The following NCAM1 variants were observed in gnomAD, a reference collection of about 807,000 sequenced individuals.
NCAM1 encodes antigen recognized by monoclonal antibody 5.1H11.
A neutral mutation model predicts 109.8 loss-of-function variants in NCAM1; 14 were observed. The observed-to-expected ratio is 0.13, with a 90% CI of 0.08 to 0.20. The LOEUF (loss-of-function observed/expected upper bound fraction) is 0.20. Among genes scored for constraint, NCAM1 ranks in the 10% least tolerant of loss-of-function variants. The pLI is 1.00. For missense variants in NCAM1, 774 were observed against 1,109.9 expected (o/e 0.70, Z 4.30); for synonymous variants, 418 against 442.9 (o/e 0.94, Z 0.70).
intron 1 of NCAM1, among the ~76,000 whole-genome samples, chr11:113,136,106 C>G (rs1257397836): frequency 6.6e-6 from 1 of 152,006 alleles, no homozygotes; most frequent in African/African-American, 2.4e-5. Context: ...TCGCCTGAGC[C>G]CAGGAGTTCA....
At chr11:113,171,740 A>G (rs369177176) in intron 1 of NCAM1, among the ~76,000 whole-genome samples, 3 of 152,312 alleles carry the variant, frequency 2.0e-5, no homozygotes, top group South Asian at 4.1e-4. Flanking sequence ...TCACTGTCCA[A>G]TTGGGTAATT....
chr11:113,222,176 T>A (rs1381763762), intron 9 of NCAM1, among the ~76,000 whole-genome samples: 1 of 152,262 alleles, frequency 6.6e-6, no homozygotes, highest in Non-Finnish European at 1.5e-5. Flanking sequence ...AGGACTTTTT[T>A]AAAGTTGCCT....
Position 112,962,975 on chromosome 11 carries a change from G to A in NCAM1, c.52+1311G>A, listed in dbSNP as rs1296574664. Among the ~76,000 whole-genome samples the A allele has an allele frequency of 6.6e-6, 1 of 152,100 alleles. No homozygotes were observed. The highest frequency in any genetic ancestry group is 1.5e-5 in the Non-Finnish European group (1 of 67,996). ...ACCTGCCCTGGACGGCCGACCCCCG[G>A]TTGGGGAGCGCACGGGGCGGGCCAG... On this transcript the variant is annotated intron_variant, in intron 1 of 19. Transcript: ENST00000316851. The surrounding 1 kb of genome is among the most constrained non-coding windows in gnomAD (Gnocchi z 5.6).
rs58639337 is a variant in NCAM1, at chr11:113,171,633, C to CAATAAATAAATA, written c.53-30719_53-30708dup. 1.5e-3 allele frequency among the ~76,000 whole-genome samples: 220 copies of CAATAAATAAATA among 149,612 alleles called. 1 individual carries two copies. Among genetic ancestry groups the CAATAAATAAATA allele is most frequent in the Admixed American group, 3.7e-3 (55 of 15,054 alleles). ...TAGGCGACAGAGTGAGACTTTGTCTCAATAAATAAATAAATAAATAAATAA... is the reference window on the plus strand; with the variant it reads ...TAGGCGACAGAGTGAGACTTTGTCTCAATAAATAAATAAATAAATAAATAAATAAATAAATAA... On this transcript the variant is annotated intron_variant, in intron 1 of 19. Transcript: ENST00000316851.
At chr11:113,231,115 C>A in intron 9 of NCAM1, 1 of 1,322,802 alleles carries the variant, frequency 7.6e-7, no homozygotes, top group Non-Finnish European at 1.0e-6. Context: ...CACTTTTAAA[C>A]ATCCAGGAAA....
chr11:113,032,885 T>G, intron 1 of NCAM1, among the ~76,000 whole-genome samples: 1 of 152,256 alleles, frequency 6.6e-6, no homozygotes, highest in East Asian at 1.9e-4. Context: ...AAGAGTTTTC[T>G]AAATGAAATG....
At chr11:113,080,465 CTTTTTTTTT>C (rs200415631) in intron 1 of NCAM1, among the ~76,000 whole-genome samples, 9 of 140,834 alleles carry the variant, frequency 6.4e-5, no homozygotes, top group Non-Finnish European at 1.2e-4. Context: ...GGTTTTTTTT[CTTTTTTTTT>C]TTTTCTTAAA....
At position 113,237,891 on chromosome 11, in the gene NCAM1, GATAT is replaced by G. The variant is rs1362698578; in HGVS notation, c.1825+2729_1825+2732del. On this transcript the variant is annotated intron_variant, in intron 14 of 19. Transcript: ENST00000316851. ...ATATATAGATATATATAGATATATA[GATAT>G]AGATATATAGATATATATAGATATA... Among the ~76,000 whole-genome samples, 30 of 31,384 alleles carry G rather than the reference GATAT, an allele frequency of 9.6e-4. 2 individuals are homozygous for G. The East Asian group carries it at 0.062, about 65-fold the overall frequency. The allele number at this position is 31,384 out of a possible 152,430, so 20.6% of individuals were successfully genotyped here. A position where few individuals can be genotyped will look rare whatever the true frequency, so the allele number is the denominator to read the frequency against.
intron 17 of NCAM1, among the ~76,000 whole-genome samples, chr11:113,261,287 G>C (rs1945989423): frequency 6.6e-6 from 1 of 152,148 alleles, no homozygotes; most frequent in South Asian, 2.1e-4. Flanking sequence ...GAGGGCTGTG[G>C]CCTGCCTATG....
chr11:113,193,673 G>C (rs1357514734), intron 1 of NCAM1, among the ~76,000 whole-genome samples: 6 of 151,918 alleles, frequency 3.9e-5, no homozygotes, highest in African/African-American at 9.7e-5. Context: ...AAAAAAGAAA[G>C]AGAGAAACAG....
At chr11:113,271,688 C>T (rs1555125364) in intron 18 of NCAM1, 72 bp from the exon 19 acceptor site, 1 of 1,200,504 alleles carries the variant, frequency 8.3e-7, no homozygotes, top group African/African-American at 1.5e-5. Flanking sequence ...TGGGTTGAGT[C>T]ATAGCTGCTC....
intron 9 of NCAM1, among the ~76,000 whole-genome samples, chr11:113,229,883 T>C (rs1944952522): frequency 6.6e-6 from 1 of 151,180 alleles, no homozygotes; most frequent in African/African-American, 2.4e-5. Context: ...AATTGAACAA[T>C]GAGAACACTT....
intron 1 of NCAM1, among the ~76,000 whole-genome samples, chr11:113,054,674 T>C (rs1394195297): frequency 2.0e-5 from 3 of 152,192 alleles, no homozygotes; most frequent in African/African-American, 7.2e-5. Flanking sequence ...GCCAAATTGA[T>C]CCAGTCTCCA....
At chr11:113,085,424 T>C (rs1038415675) in intron 1 of NCAM1, among the ~76,000 whole-genome samples, 1 of 152,252 alleles carries the variant, frequency 6.6e-6, no homozygotes, top group African/African-American at 2.4e-5. Flanking sequence ...TTAGCCCCCT[T>C]GTGTGATTGC....
chr11:113,110,866 C>T (rs570621521), intron 1 of NCAM1, among the ~76,000 whole-genome samples: 13 of 152,238 alleles, frequency 8.5e-5, no homozygotes, highest in African/African-American at 2.6e-4. Flanking sequence ...ATTGGGATAC[C>T]TCCCAAAGCC....
At chr11:113,140,900 A>G (rs919753213) in intron 1 of NCAM1, among the ~76,000 whole-genome samples, 21 of 151,724 alleles carry the variant, frequency 1.4e-4, no homozygotes, top group African/African-American at 5.1e-4. Context: ...TGAGGATTTC[A>G]TTTTTTTTGT....
At chr11:113,101,576 CCT>C (rs10574514) in intron 1 of NCAM1, among the ~76,000 whole-genome samples, 11,068 of 152,170 alleles carry the variant, frequency 0.073, 763 homozygotes, top group Admixed American at 0.17. Flanking sequence ...TCTAATTTCT[CCT>C]CTTTGACTGG....
At chr11:113,264,760 C>T in intron 17 of NCAM1, 2 of 985,512 alleles carry the variant, frequency 2.0e-6, no homozygotes, top group South Asian at 4.7e-5. Context: ...CAACACATCC[C>T]AGGGTCAGGC....
intron 1 of NCAM1, among the ~76,000 whole-genome samples, chr11:113,110,057 G>T (rs1303143590): frequency 6.6e-6 from 1 of 152,154 alleles, no homozygotes; most frequent in Non-Finnish European, 1.5e-5. Flanking sequence ...TGGCCAAAGT[G>T]CATGGAGCTA....
Sources: gnomAD v4.1 joint callset for allele counts (sites outside exome capture counted in the v4.1 genomes callset) on GRCh38, gnomAD v4.1.1 for gene constraint, Gnocchi (gnomAD v3.1) non-coding constraint, MANE v1.5 for transcripts, NCBI Gene and HGNC (gene_info 2026-07-23, HGNC 2026-07-21) for gene names.